Variants in LRBA observed in about 807,000 individuals in gnomAD.
LRBA encodes the protein lipopolysaccharide-responsive and beige-like anchor protein.
A neutral mutation model predicts 330.0 loss-of-function variants in LRBA; 176 were observed. The ratio of observed to expected loss-of-function variants is 0.53; its 90% CI spans 0.47 to 0.60. LRBA has a LOEUF of 0.60. Among genes scored for constraint, LRBA ranks in the 20% least tolerant of loss-of-function variants. The pLI is 0.00. For synonymous variants in LRBA, 1,230 were observed against 1,193.0 expected, an observed-to-expected ratio of 1.03 and a Z score of -0.64; for missense variants, 3,259 against 3,444.8, an observed-to-expected ratio of 0.95 and a Z score of 1.35.
intron 45 of LRBA, among the ~76,000 whole-genome samples, chr4:150,436,244 T>C (rs1184728048): frequency 1.3e-5 from 2 of 152,212 alleles, no homozygotes; most frequent in East Asian, 3.8e-4. Flanking sequence ...GTGCTGCTAA[T>C]GCTTTTCCGA....
intron 33 of LRBA, among the ~76,000 whole-genome samples, chr4:150,803,022 CAAA>C (rs746026878): frequency 2.9e-5 from 1 of 34,796 alleles, no homozygotes; most frequent in Non-Finnish European, 5.6e-5. Flanking sequence ...ACTCTGTCTC[CAAA>C]AAAAAAAAAA....
chr4:150,847,294 G>A (rs1749982865), intron 26 of LRBA, among the ~76,000 whole-genome samples: 1 of 151,982 alleles, frequency 6.6e-6, no homozygotes, highest in Admixed American at 6.5e-5. Context: ...ATTTTGTTAT[G>A]CTTACAATTA....
intron 42 of LRBA, among the ~76,000 whole-genome samples, chr4:150,481,440 T>A (rs1348188084): frequency 6.6e-6 from 1 of 152,144 alleles, no homozygotes; most frequent in East Asian, 1.9e-4. Flanking sequence ...ATTAAATGTA[T>A]AATATTTATC....
At chr4:150,894,286 G>C (rs749940720) in intron 16 of LRBA, among the ~76,000 whole-genome samples, 14 of 152,068 alleles carry the variant, frequency 9.2e-5, no homozygotes, top group Non-Finnish European at 1.8e-4. Flanking sequence ...AGTTCTAAAA[G>C]AACACTTTGT....
At chr4:150,379,189 G>C (rs1471618464) in intron 47 of LRBA, among the ~76,000 whole-genome samples, 1 of 150,470 alleles carries the variant, frequency 6.6e-6, no homozygotes, top group Non-Finnish European at 1.5e-5. Context: ...TGTAATCTCA[G>C]CTACTTGGGA....
Position 150,583,327 on chromosome 4 carries a change from C to T in LRBA, c.6330+4721G>A. Reference sequence around the variant, plus strand: ...CGGCTCGCTGCCCGGCTGCGCAGTGCTCAAACTGAGCGATGGGCGGAAGCG... The same window carrying T: ...CGGCTCGCTGCCCGGCTGCGCAGTGTTCAAACTGAGCGATGGGCGGAAGCG... On this transcript the variant is annotated intron_variant, in intron 40 of 56. Transcript: ENST00000651943. This position sits in a 1 kb window ranked among gnomAD's most constrained non-coding sequence, Gnocchi z 9.8. 6.2e-7 allele frequency: 1 copy of T among 1,614,210 alleles called. No individual in the cohort carries two copies. The highest frequency in any genetic ancestry group is 8.5e-7 in the Non-Finnish European group (1 of 1,180,038).
intron 2 of LRBA, among the ~76,000 whole-genome samples, chr4:150,984,906 C>T (rs1741259620): frequency 6.6e-6 from 1 of 152,204 alleles, no homozygotes; most frequent in South Asian, 2.1e-4. Flanking sequence ...CAGCAATTCT[C>T]TAACACTCAA....
chr4:150,689,511 A>G (rs940995009), intron 36 of LRBA, among the ~76,000 whole-genome samples: 1 of 152,096 alleles, frequency 6.6e-6, no homozygotes, highest in African/African-American at 2.4e-5. Flanking sequence ...AAAAAAAAAC[A>G]GAAATGGAAA....
chr4:150,824,291 T>G (rs940075292), intron 30 of LRBA, among the ~76,000 whole-genome samples: 2 of 152,208 alleles, frequency 1.3e-5, no homozygotes, highest in African/African-American at 4.8e-5. Context: ...CTGTACTGAA[T>G]TTATCAGTTA....
chr4:150,523,720 T>C (rs746344745), intron 40 of LRBA, among the ~76,000 whole-genome samples: 1 of 152,146 alleles, frequency 6.6e-6, no homozygotes, highest in Non-Finnish European at 1.5e-5. Context: ...CTCTTTTCTA[T>C]GGAAATGTGT....
chr4:150,623,974 T>C (rs951640693), intron 37 of LRBA, among the ~76,000 whole-genome samples: 2 of 152,204 alleles, frequency 1.3e-5, no homozygotes, highest in African/African-American at 4.8e-5. Flanking sequence ...CTTTAGTATG[T>C]TATAGATAAC....
At chr4:150,949,212 A>G (rs1425096767) in intron 2 of LRBA, among the ~76,000 whole-genome samples, 8 of 152,110 alleles carry the variant, frequency 5.3e-5, no homozygotes, top group Non-Finnish European at 1.2e-4. Context: ...CAACAGCTAA[A>G]TGGTTAAACA....
intron 40 of LRBA, among the ~76,000 whole-genome samples, chr4:150,509,137 T>C (rs997922074): frequency 2.6e-5 from 4 of 152,174 alleles, no homozygotes; most frequent in Non-Finnish European, 4.4e-5. Flanking sequence ...TTAATGAATA[T>C]ATTAATTAGC....
At chr4:150,624,657 C>G (rs1373428711) in intron 37 of LRBA, among the ~76,000 whole-genome samples, 1 of 151,850 alleles carries the variant, frequency 6.6e-6, no homozygotes, top group African/African-American at 2.4e-5. Context: ...ATTTATACAA[C>G]TAATGCGTAT....
chr4:150,590,110 T>C (rs973805279), intron 39 of LRBA, among the ~76,000 whole-genome samples: 32 of 152,160 alleles, frequency 2.1e-4, no homozygotes, highest in Non-Finnish European at 2.9e-5. Context: ...GCCACAGGTA[T>C]TAAAGTAAAA....
intron 37 of LRBA, among the ~76,000 whole-genome samples, chr4:150,616,559 A>C (rs2126604802): frequency 6.6e-6 from 1 of 152,286 alleles, no homozygotes; most frequent in Non-Finnish European, 1.5e-5. Flanking sequence ...TATTGGATTT[A>C]TTTATTTATT....
intron 40 of LRBA, among the ~76,000 whole-genome samples, chr4:150,560,940 A>T (rs1768244390): frequency 6.6e-6 from 1 of 152,042 alleles, no homozygotes; most frequent in Non-Finnish European, 1.5e-5. Context: ...AGCCAAGATC[A>T]CACCATTGCA....
At chr4:150,286,169 G>A in intron 53 of LRBA, 135 bp from the exon 54 acceptor site, 1 of 650,932 alleles carries the variant, frequency 1.5e-6, no homozygotes, top group Non-Finnish European at 2.6e-6. Flanking sequence ...CCTACTTTAG[G>A]ACTAGATCCA....
At chr4:150,293,583 G>T (rs368621456) in intron 53 of LRBA, among the ~76,000 whole-genome samples, 3 of 152,162 alleles carry the variant, frequency 2.0e-5, no homozygotes, top group East Asian at 3.8e-4. Flanking sequence ...AATAATATTA[G>T]AAGTATTAAT....
Sources: gnomAD v4.1 joint callset for allele counts (sites outside exome capture counted in the v4.1 genomes callset) on GRCh38, gnomAD v4.1.1 for gene constraint, Gnocchi (gnomAD v3.1) non-coding constraint, MANE v1.5 for transcripts, NCBI Gene and HGNC (gene_info 2026-07-23, HGNC 2026-07-21) for gene names.